TMEM53: variants seen among roughly 807,000 people sequenced by gnomAD.
TMEM53 encodes the protein novel DUF829 domain-containing protein.
TMEM53 carries 14 observed loss-of-function variants against 21.4 expected under a neutral mutation model. The ratio of observed to expected loss-of-function variants is 0.65; its 90% CI spans 0.43 to 1.02. The LOEUF is 1.02. TMEM53 is among the 50% of genes least tolerant of loss of function. The pLI, the probability that TMEM53 is intolerant of heterozygous loss-of-function variation, is 0.00. For missense variants in TMEM53, 323 were observed against 383.6 expected, an observed-to-expected ratio of 0.84 and a Z score of 1.32; for synonymous variants, 148 against 157.4, an observed-to-expected ratio of 0.94 and a Z score of 0.45.
At position 44,660,218 on chromosome 1, in the gene TMEM53, T is replaced by TG; in HGVS notation, c.138dup (p.Lys47GlnfsTer53). On this transcript the variant is annotated frameshift_variant, in exon 2 of 3. Coordinates refer to ENST00000372237, the MANE Select transcript of TMEM53 (RefSeq NM_024587.4). LOFTEE classifies it high-confidence loss of function. Reference sequence around the variant, plus strand: ...CTGTACTTGGCAAGGTTCTTGTCCTTGCAGCCACCCCAGCCCAAGAGAATC... The same window carrying TG: ...CTGTACTTGGCAAGGTTCTTGTCCTTGGCAGCCACCCCAGCCCAAGAGAATC... The TG allele has an allele frequency of 3.7e-6, 6 of 1,614,146 alleles. No homozygotes were observed. Among genetic ancestry groups the TG allele is most frequent in the Non-Finnish European group, 5.1e-6 (6 of 1,180,008 alleles).
chr1:44,661,621 G>A (rs1315559056), intron 1 of TMEM53, among the ~76,000 whole-genome samples: 3 of 152,100 alleles, frequency 2.0e-5, no homozygotes, highest in Non-Finnish European at 4.4e-5. Context: ...TATATTTATT[G>A]AGGTTTAACC....
chr1:44,663,337 T>A (rs1001642853), intron 1 of TMEM53, among the ~76,000 whole-genome samples: 1 of 152,098 alleles, frequency 6.6e-6, no homozygotes, highest in Non-Finnish European at 1.5e-5. Context: ...GCCCCCTGGG[T>A]TCAAGAGATT....
At chr1:44,667,952 A>G (rs1182190798) in intron 1 of TMEM53, among the ~76,000 whole-genome samples, 3 of 152,214 alleles carry the variant, frequency 2.0e-5, no homozygotes, top group Non-Finnish European at 4.4e-5. Flanking sequence ...TGACACAGAT[A>G]GTGCCAGAAT....
At position 44,674,384 on chromosome 1, in the gene TMEM53, G is replaced by A. The variant is rs1339294324; in HGVS notation, c.8C>T (p.Ser3Leu). 1.9e-6 allele frequency: 3 copies of A among 1,611,572 alleles called. No homozygotes were observed. Among genetic ancestry groups the A allele is most frequent in the Non-Finnish European group, 2.5e-6 (3 of 1,178,696 alleles). Reference sequence around the variant, plus strand: ...CTCGATGGTGTAGTCCAGCTCTGCCGAGGCCATGGTGAAGGCGCCGGCCCA... The same window carrying A: ...CTCGATGGTGTAGTCCAGCTCTGCCAAGGCCATGGTGAAGGCGCCGGCCCA... Reference protein sequence around the residue: MASAELDYTIEIP... With the variant: MALAELDYTIEIP... Residue 3 changes from serine to leucine, a missense_variant, in exon 1 of 3, where the codon TCG (serine) becomes TTG (leucine). Around this residue, in one of 3 missense-constraint regions of TMEM53, gnomAD observed 49 missense variants for 32.9 expected, o/e 1.49. Coordinates refer to ENST00000372237, the MANE Select transcript of TMEM53 (RefSeq NM_024587.4).
At chr1:44,664,064 A>G (rs1181350102) in intron 1 of TMEM53, among the ~76,000 whole-genome samples, 1 of 151,238 alleles carries the variant, frequency 6.6e-6, no homozygotes, top group African/African-American at 2.4e-5. Flanking sequence ...AGGCAGGAGG[A>G]TAGCTTAAGC....
At chr1:44,665,506 G>A (rs574355303) in intron 1 of TMEM53, among the ~76,000 whole-genome samples, 6 of 151,950 alleles carry the variant, frequency 3.9e-5, no homozygotes, top group Non-Finnish European at 8.8e-5. Flanking sequence ...CACGGTGGTG[G>A]GGGCCTGTAA....
chr1:44,667,073 G>T (rs1245998572), intron 1 of TMEM53, among the ~76,000 whole-genome samples: 2 of 151,470 alleles, frequency 1.3e-5, no homozygotes, highest in Non-Finnish European at 2.9e-5. Flanking sequence ...GAACTCCTGG[G>T]CTCAAGCAAT....
chr1:44,672,007 T>C (rs980070986), intron 1 of TMEM53, among the ~76,000 whole-genome samples: 1 of 152,222 alleles, frequency 6.6e-6, no homozygotes, highest in African/African-American at 2.4e-5. Context: ...TAAACAGTAA[T>C]TGCAAAAGAC....
intron 1 of TMEM53, among the ~76,000 whole-genome samples, chr1:44,669,951 A>C (rs2148538059): frequency 6.6e-6 from 1 of 151,984 alleles, no homozygotes; most frequent in African/African-American, 2.4e-5. Flanking sequence ...GGCATGCGCC[A>C]CCACACCCGG....
intron 1 of TMEM53, among the ~76,000 whole-genome samples, chr1:44,660,972 CAA>C (rs35717917): frequency 1.8e-4 from 16 of 88,268 alleles, no homozygotes; most frequent in Non-Finnish European, 1.4e-4. Flanking sequence ...GACTCTGTCT[CAA>C]AAAAAAAAAA....
At position 44,654,521 on chromosome 1, in the gene TMEM53, A is replaced by G. The variant is rs1299813267; in HGVS notation, c.*38T>C. The G allele has an allele frequency of 6.3e-6, 10 of 1,579,250 alleles. No individual in the cohort carries two copies. The highest frequency in any genetic ancestry group is 8.6e-6 in the Non-Finnish European group (10 of 1,158,358). On this transcript the variant is annotated 3_prime_UTR_variant, in exon 3 of 3. Coordinates refer to ENST00000372237, the MANE Select transcript of TMEM53 (RefSeq NM_024587.4). The surrounding 1 kb of genome is among the most constrained non-coding windows in gnomAD (Gnocchi z 7.0). ...TGCAGGTTGTGGGGAGGTGTCAGGCATTTATTTCTGGAGCAGAGGTGAGAT... is the reference window on the plus strand; with the variant it reads ...TGCAGGTTGTGGGGAGGTGTCAGGCGTTTATTTCTGGAGCAGAGGTGAGAT...
chr1:44,657,037 A>C (rs138523951), intron 2 of TMEM53, among the ~76,000 whole-genome samples: 13 of 151,904 alleles, frequency 8.6e-5, no homozygotes, highest in East Asian at 1.9e-4. Flanking sequence ...ACAACAACAA[A>C]AAAAATACTA....
chr1:44,658,873 G>A (rs756364565), intron 2 of TMEM53, among the ~76,000 whole-genome samples: 29 of 151,982 alleles, frequency 1.9e-4, no homozygotes, highest in Non-Finnish European at 3.4e-4. Flanking sequence ...TCTGATTCAC[G>A]AATCTAACAT....
At chr1:44,671,058 A>G (rs1644995874) in intron 1 of TMEM53, among the ~76,000 whole-genome samples, 3 of 152,208 alleles carry the variant, frequency 2.0e-5, no homozygotes, top group Admixed American at 1.3e-4. Context: ...GGCCCTGGTG[A>G]CAGTGAGTGA....
chr1:44,669,508 G>A lies in TMEM53; in HGVS notation c.61+4823C>T, dbSNP rs188240985. ...AGCTCTGGAGTAAGGCTCTTAAGCT[G>A]AAATCTGGAATTACTTTGGGCAAGA... On this transcript the variant is annotated intron_variant, in intron 1 of 2. Transcript: ENST00000372237. Among the ~76,000 whole-genome samples the A allele has an allele frequency of 2.3e-3, 354 of 152,330 alleles. 1 individual carries two copies. Among genetic ancestry groups the A allele is most frequent in the African/African-American group, 8.3e-3 (345 of 41,564 alleles).
chr1:44,663,998 A>G (rs369952640), intron 1 of TMEM53, among the ~76,000 whole-genome samples: 7 of 152,066 alleles, frequency 4.6e-5, no homozygotes, highest in South Asian at 4.2e-4. Flanking sequence ...TCATCTCTAT[A>G]AAAATTAGTT....
At chr1:44,659,491 G>C (rs1644879651) in intron 2 of TMEM53, among the ~76,000 whole-genome samples, 1 of 152,228 alleles carries the variant, frequency 6.6e-6, no homozygotes, top group Non-Finnish European at 1.5e-5. Context: ...TGGATGAGAA[G>C]AAGCGTGAAT....
At chr1:44,674,185 C>T (rs1645055247) in intron 1 of TMEM53, 146 bp downstream of exon 1, 4 of 1,354,910 alleles carry the variant, frequency 3.0e-6, no homozygotes, top group Middle Eastern at 5.0e-4. Context: ...CTCTGAGCCT[C>T]TCTAAGTCTA....
In TMEM53 at chr1:44,654,828, C is replaced by G; in HGVS notation, c.565G>C (p.Ala189Pro). ...LVVVLFHVLL[A>P]PITALFHTHF... Reference sequence around the variant, plus strand: ...GTGTGGAAGAGGGCTGTGATGGGAGCAAGCAGGACGTGGAACAGGACGACC... The same window carrying G: ...GTGTGGAAGAGGGCTGTGATGGGAGGAAGCAGGACGTGGAACAGGACGACC... The change falls in exon 3 of 3, where the codon GCT becomes CCT. Residue 189 changes from alanine (A) to proline (P), a missense_variant. Ala to Pro is a conservative substitution (Grantham distance 27). Coordinates refer to ENST00000372237, the MANE Select transcript of TMEM53 (RefSeq NM_024587.4). This position sits in a 1 kb window ranked among gnomAD's most constrained non-coding sequence, Gnocchi z 7.0. 2 of 1,613,430 alleles carry G rather than the reference C, an allele frequency of 1.2e-6. No individual in the cohort carries two copies. Among genetic ancestry groups the G allele is most frequent in the Non-Finnish European group, 1.7e-6 (2 of 1,180,020 alleles).
Sources: gnomAD v4.1 joint callset for allele counts (sites outside exome capture counted in the v4.1 genomes callset) on GRCh38, gnomAD v4.1.1 for gene constraint, gnomAD v4.1.1 regional missense constraint, Gnocchi (gnomAD v3.1) non-coding constraint, MANE v1.5 for transcripts, NCBI Gene and HGNC (gene_info 2026-07-23, HGNC 2026-07-21) for gene names.